The following EFHC2 variants were observed in gnomAD, a reference collection of about 807,000 sequenced individuals.
EFHC2 encodes the protein EF-hand domain-containing family member C2.
A neutral mutation model predicts 52.7 loss-of-function variants in EFHC2; 18 were observed. That is an observed-to-expected ratio of 0.34 (90% confidence interval 0.24 to 0.51). EFHC2 has a LOEUF of 0.51. Among genes scored for constraint, EFHC2 ranks in the 20% least tolerant of loss-of-function variants. EFHC2 has a pLI of 0.97. For missense variants in EFHC2, 513 were observed against 562.5 expected (o/e 0.91, Z 0.89); for synonymous variants, 203 against 204.1 (o/e 0.99, Z 0.04).
At chrX:44,302,580 TG>T (rs1398666997) in intron 2 of EFHC2, among the ~76,000 whole-genome samples, 5 of 112,609 alleles carry the variant, frequency 4.4e-5, no homozygotes, top group Non-Finnish European at 9.4e-5. Context: ...TTATTCTTAG[TG>T]ACAAATGCAG....
intron 14 of EFHC2, among the ~76,000 whole-genome samples, chrX:44,152,036 G>A (rs2036574260): frequency 1.8e-5 from 2 of 111,743 alleles, no homozygotes; most frequent in Non-Finnish European, 3.8e-5. Flanking sequence ...TCTAATTCAG[G>A]TGTAAAACCT....
intron 3 of EFHC2, among the ~76,000 whole-genome samples, chrX:44,265,478 A>G (rs2037569854): frequency 1.8e-5 from 2 of 111,319 alleles, no homozygotes; most frequent in Admixed American, 1.9e-4. Flanking sequence ...TTTGTTGCCC[A>G]GGCTGGTCTT....
intron 1 of EFHC2, among the ~76,000 whole-genome samples, chrX:44,326,365 CA>C (rs1026236100): frequency 9.0e-6 from 1 of 110,820 alleles, no homozygotes; most frequent in Non-Finnish European, 1.9e-5. Context: ...TATATATTTT[CA>C]AAAAGCTAGA....
intron 2 of EFHC2, among the ~76,000 whole-genome samples, chrX:44,304,650 G>T (rs1401845136): frequency 9.0e-6 from 1 of 111,597 alleles, no homozygotes; most frequent in Non-Finnish European, 1.9e-5. Flanking sequence ...TTTTGTCTTG[G>T]CCCCATCATA....
intron 4 of EFHC2, among the ~76,000 whole-genome samples, chrX:44,258,926 T>C (rs2037515145): frequency 9.1e-6 from 1 of 109,501 alleles, no homozygotes; most frequent in Non-Finnish European, 1.9e-5. Context: ...TGTGGAGAAA[T>C]AGGAATGCTT....
chrX:44,239,488 C>A (rs182228115), intron 8 of EFHC2, among the ~76,000 whole-genome samples: 110 of 112,066 alleles, frequency 9.8e-4, no homozygotes, highest in Non-Finnish European at 1.7e-3. Flanking sequence ...ATAAACAAGT[C>A]ATTAAGATGC....
chrX:44,335,546 A>G (rs772147785), intron 1 of EFHC2, among the ~76,000 whole-genome samples: 1 of 112,014 alleles, frequency 8.9e-6, no homozygotes, highest in African/African-American at 3.2e-5. Context: ...AGAAATAGCT[A>G]TAAAGAAATC....
At chrX:44,157,750 C>CCCCCCA (rs1555996990) in intron 14 of EFHC2, among the ~76,000 whole-genome samples, 11 of 93,017 alleles carry the variant, frequency 1.2e-4, no homozygotes, top group African/African-American at 3.0e-4. Context: ...CCCTCCCCGC[C>CCCCCCA]CCGCTTGGTT....
At chrX:44,309,607 T>A in intron 2 of EFHC2, 1 of 1,150,333 alleles carries the variant, frequency 8.7e-7, no homozygotes, top group Non-Finnish European at 1.2e-6. Context: ...GATAATTATT[T>A]CTCTCACTTT....
chrX:44,210,462 C>T (rs1007429507), intron 11 of EFHC2, among the ~76,000 whole-genome samples: 3 of 112,167 alleles, frequency 2.7e-5, no homozygotes, highest in Non-Finnish European at 3.8e-5. Flanking sequence ...CAAGAAAATG[C>T]GGTATTGGTA....
At chrX:44,245,360 T>C (rs2037392311) in intron 7 of EFHC2, among the ~76,000 whole-genome samples, 1 of 112,417 alleles carries the variant, frequency 8.9e-6, no homozygotes, top group African/African-American at 3.2e-5. Context: ...AGTCCACTGA[T>C]AGACAAATAA....
intron 7 of EFHC2, among the ~76,000 whole-genome samples, chrX:44,244,536 ATC>A (rs1417466675): frequency 8.9e-6 from 1 of 112,497 alleles, no homozygotes; most frequent in African/African-American, 3.2e-5. Flanking sequence ...TCTTTTAATT[ATC>A]TGATTCCTCT....
intron 11 of EFHC2, among the ~76,000 whole-genome samples, chrX:44,180,335 C>G (rs1242153539): frequency 8.9e-6 from 1 of 112,075 alleles, no homozygotes; most frequent in Non-Finnish European, 1.9e-5. Context: ...TGACAGAGGG[C>G]TAAGTAACCA....
At chrX:44,305,474 A>C (rs184450459) in intron 2 of EFHC2, among the ~76,000 whole-genome samples, 1 of 111,250 alleles carries the variant, frequency 9.0e-6, no homozygotes, top group Non-Finnish European at 1.9e-5. Context: ...CATTAATTTG[A>C]TTTTTTAAAA....
intron 4 of EFHC2, among the ~76,000 whole-genome samples, chrX:44,260,328 G>T (rs1182818190): frequency 4.5e-5 from 5 of 111,541 alleles, no homozygotes. Flanking sequence ...TGGAAATCAG[G>T]GTAAGAGTCA....
At position 44,179,025 on chromosome X, in the gene EFHC2, T is replaced by C. The variant is rs2036812880; in HGVS notation, c.1752-461A>G. ...GGATGGGGAAAGCAATCATGCACAT[T>C]TCTGTAATAAAAAGTAAAACTGGAC... is the stretch of plus-strand genomic sequence containing the variant. On this transcript the variant is annotated intron_variant, in intron 11 of 14. Transcript: ENST00000420999. 3.6e-5 allele frequency among the ~76,000 whole-genome samples: 4 copies of C among 110,178 alleles called. No homozygotes were observed. The South Asian group carries it at 1.6e-3, about 43-fold the overall frequency.
rs1482389869 is a variant in EFHC2 at position 44,167,038 on chromosome X, T to C, written c.2043-3011A>G. ...CACTTTCTTGCCTGCAATCCTCCAG[T>C]GGCTTCCCAATCCACTTAGAACACA... On this transcript the variant is annotated intron_variant, in intron 13 of 14. Coordinates refer to ENST00000420999, the MANE Select transcript of EFHC2 (RefSeq NM_025184.4). 2.7e-5 allele frequency among the ~76,000 whole-genome samples: 3 copies of C among 111,945 alleles called. 1 individual carries two copies. The Admixed American group carries it at 2.8e-4, about 11-fold the overall frequency.
chrX:44,290,487 T>C (rs1051017376), intron 2 of EFHC2, among the ~76,000 whole-genome samples: 1 of 108,009 alleles, frequency 9.3e-6, no homozygotes, highest in Non-Finnish European at 1.9e-5. Flanking sequence ...CCATTTATGT[T>C]GTAGAATCTT....
intron 11 of EFHC2, among the ~76,000 whole-genome samples, chrX:44,206,166 C>G (rs1286268972): frequency 9.0e-6 from 1 of 111,498 alleles, no homozygotes; most frequent in Non-Finnish European, 1.9e-5. Flanking sequence ...TTATTTGAAA[C>G]AAATGAAAAC....
Sources: allele counts gnomAD v4.1 joint callset (sites outside exome capture counted in the v4.1 genomes callset), GRCh38; gene constraint gnomAD v4.1.1; transcripts MANE v1.5; gene names NCBI Gene and HGNC (gene_info 2026-07-23, HGNC 2026-07-21).